The following ARB2A variants were observed in gnomAD, a reference collection of about 807,000 sequenced individuals.
The protein encoded by ARB2A is cotranscriptional regulator ARB2A.
the ARB2A span, among the ~76,000 whole-genome samples, chr5:93,897,701 T>C: frequency 2.0e-5 from 3 of 152,086 alleles, no homozygotes; most frequent in Admixed American, 6.6e-5. Flanking sequence ...AGATCCTTTA[T>C]TGAGGTACTA....
the ARB2A span, among the ~76,000 whole-genome samples, chr5:94,067,822 A>C: frequency 6.6e-6 from 1 of 152,170 alleles, no homozygotes; most frequent in Non-Finnish European, 1.5e-5. Flanking sequence ...AACAAAAAAC[A>C]CTAAATTCAA....
the ARB2A span, among the ~76,000 whole-genome samples, chr5:93,830,392 C>T: frequency 5.3e-3 from 766 of 144,832 alleles, 7 homozygotes; most frequent in African/African-American, 0.019. Context: ...TTAAGCTCTG[C>T]GCTGGAAGTG....
the ARB2A span, among the ~76,000 whole-genome samples, chr5:93,792,220 C>A: frequency 6.6e-6 from 1 of 151,928 alleles, no homozygotes; most frequent in African/African-American, 2.4e-5. Flanking sequence ...ATATGACTGA[C>A]CAGAGTAGGC....
chr5:93,696,270 C>T, the ARB2A span, among the ~76,000 whole-genome samples: 3 of 152,298 alleles, frequency 2.0e-5, no homozygotes, highest in South Asian at 6.2e-4. Context: ...TCTCCATTCA[C>T]ATCAGTGATG....
chr5:93,670,922 A>G, the ARB2A span, among the ~76,000 whole-genome samples: 105 of 152,310 alleles, frequency 6.9e-4, no homozygotes, highest in African/African-American at 2.2e-3. Context: ...TTTTCCTGCT[A>G]GAATTTTTAT....
At chr5:93,960,081 G>GT in the ARB2A span, among the ~76,000 whole-genome samples, 1 of 39,080 alleles carries the variant, frequency 2.6e-5, no homozygotes, top group Non-Finnish European at 5.1e-5. Context: ...AACTCTAGAT[G>GT]CCCCCCCCCC....
At chr5:93,938,289 CTTTAA>C in the ARB2A span, among the ~76,000 whole-genome samples, 1 of 151,934 alleles carries the variant, frequency 6.6e-6, no homozygotes, top group Non-Finnish European at 1.5e-5. Context: ...GAACTAATTC[CTTTAA>C]TTTAATCACA....
At chr5:93,888,267 T>C in the ARB2A span, among the ~76,000 whole-genome samples, 97 of 151,878 alleles carry the variant, frequency 6.4e-4, no homozygotes, top group Admixed American at 9.2e-4. Flanking sequence ...TACCATAGTT[T>C]TGTGAAATCT....
chr5:93,831,747 T>C, the ARB2A span, among the ~76,000 whole-genome samples: 1 of 152,142 alleles, frequency 6.6e-6, no homozygotes, highest in African/African-American at 2.4e-5. Flanking sequence ...GAACCAACAG[T>C]TGTTTCTACT....
chr5:93,631,405 G>A, the ARB2A span, among the ~76,000 whole-genome samples: 2 of 152,168 alleles, frequency 1.3e-5, no homozygotes, highest in Non-Finnish European at 2.9e-5. Context: ...GTTGCCACAA[G>A]GTCTTGCCTC....
At chr5:93,824,054 C>T in the ARB2A span, 11 of 1,051,888 alleles carry the variant, frequency 1.0e-5, no homozygotes, top group African/African-American at 1.8e-4. Context: ...TTCTTTATAA[C>T]ATAACTTAAA....
chr5:93,926,254 C>T, the ARB2A span, among the ~76,000 whole-genome samples: 1 of 151,828 alleles, frequency 6.6e-6, no homozygotes, highest in African/African-American at 2.4e-5. Flanking sequence ...CTCAGTCTCC[C>T]GAGTAGCTGG....
chr5:93,850,392 T>G, the ARB2A span, among the ~76,000 whole-genome samples: 2 of 152,156 alleles, frequency 1.3e-5, no homozygotes, highest in Non-Finnish European at 2.9e-5. Context: ...ATAAGCTTAT[T>G]GAGAAAGACG....
the ARB2A span, among the ~76,000 whole-genome samples, chr5:93,798,821 T>C: frequency 5.6e-3 from 858 of 152,220 alleles, 6 homozygotes; most frequent in African/African-American, 0.02. Flanking sequence ...AGTTCCTTGA[T>C]GGTATGTCCT....
the ARB2A span, among the ~76,000 whole-genome samples, chr5:93,623,144 C>G: frequency 1.3e-5 from 2 of 151,470 alleles, no homozygotes; most frequent in Admixed American, 1.3e-4. Context: ...GTAATAACTA[C>G]ACAGTTGCAC....
the ARB2A span, among the ~76,000 whole-genome samples, chr5:93,731,374 C>G: frequency 6.6e-6 from 1 of 152,038 alleles, no homozygotes; most frequent in African/African-American, 2.4e-5. Flanking sequence ...CATTTACAAG[C>G]CAAGGAAAAA....
At chr5:93,692,452 G>C in the ARB2A span, among the ~76,000 whole-genome samples, 1 of 152,098 alleles carries the variant, frequency 6.6e-6, no homozygotes, top group Non-Finnish European at 1.5e-5. Flanking sequence ...AGACAAAAAA[G>C]GGCATTACAT....
At chr5:93,665,412 T>G in the ARB2A span, among the ~76,000 whole-genome samples, 1 of 152,094 alleles carries the variant, frequency 6.6e-6, no homozygotes, top group Non-Finnish European at 1.5e-5. Flanking sequence ...CTACCTTAAT[T>G]GATAGGATTT....
At chr5:93,844,120 C>G in the ARB2A span, among the ~76,000 whole-genome samples, 1 of 122,326 alleles carries the variant, frequency 8.2e-6, no homozygotes, top group African/African-American at 2.9e-5. Context: ...GATAAAAAAA[C>G]AAAAAAAAAA....
Sources: gnomAD v4.1 joint callset for allele counts (sites outside exome capture counted in the v4.1 genomes callset) on GRCh38, gnomAD v4.1.1 for gene constraint, MANE v1.5 for transcripts, NCBI Gene and HGNC (gene_info 2026-07-23, HGNC 2026-07-21) for gene names.